The following OR5M1 variants were observed in gnomAD, a reference collection of about 807,000 sequenced individuals.
OR5M1 encodes olfactory receptor family 5 subfamily M member 1, also known as olfactory receptor 5M1.
For missense variants in OR5M1, 367 were observed against 379.5 expected (o/e 0.97, Z 0.27); for synonymous variants, 165 against 144.2 (o/e 1.14, Z -1.04).
rs933757746 is a variant in OR5M1, at chr11:56,610,944, G to T, written c.*1611C>A. On this transcript the variant is annotated 3_prime_UTR_variant, in exon 2 of 2. Coordinates refer to ENST00000641076, the MANE Select transcript of OR5M1 (RefSeq NM_001004740.2). ...CGTACAGTTATTTAGGCCAAATATA[G>T]AGTATTTTTTGCACTCATTCTAAAA... is the stretch of plus-strand genomic sequence containing the variant. 1.3e-5 allele frequency: 2 copies of T among 152,066 alleles called. No individual in the cohort carries two copies. Among genetic ancestry groups the T allele is most frequent in the Admixed American group, 6.6e-5 (1 of 15,248 alleles). The allele number at this position is 152,066 out of a possible 1,614,324, so 9.4% of individuals were successfully genotyped here. A position where few individuals can be genotyped will look rare whatever the true frequency, so the allele number is the denominator to read the frequency against.
rs765055981 is a variant in OR5M1 at position 56,613,117 on chromosome 11, G to T, written c.386C>A (p.Pro129His). 2 of 1,613,852 alleles carry T rather than the reference G, an allele frequency of 1.2e-6. No individual in the cohort carries two copies. Among genetic ancestry groups the T allele is most frequent in the South Asian group, 2.2e-5 (2 of 91,078 alleles). Residue 129 changes from proline (P) to histidine (H), a missense_variant, in exon 2 of 2, where the codon CCT becomes CAT. Transcript: ENST00000641076. ...ALDRYVAICSPLHYSSRMSKN... is the reference protein window; with the variant it reads ...ALDRYVAICSHLHYSSRMSKN... ...GGACATCCTGGAACTGTAATGCAAA[G>T]GGCTGCAAATGGCTACATAGCGATC...
chr11:56,610,003 A>G lies in OR5M1; in HGVS notation c.*2552T>C, dbSNP rs1379212540. On this transcript the variant is annotated 3_prime_UTR_variant, in exon 2 of 2. Coordinates refer to ENST00000641076, the MANE Select transcript of OR5M1 (RefSeq NM_001004740.2). The stretch of plus-strand genomic sequence containing the variant: ...AAATCAGTGTTCAAATTTGTATATG[A>G]TAAGTGATTTCACATTTGCTTGATG... The G allele has an allele frequency of 6.6e-6, 1 of 152,056 alleles. No homozygotes were observed. The highest frequency in any genetic ancestry group is 1.5e-5 in the Non-Finnish European group (1 of 67,922). The allele number at this position is 152,056 out of a possible 1,614,324, so 9.4% of individuals were successfully genotyped here. A position where few individuals can be genotyped will look rare whatever the true frequency, so the allele number is the denominator to read the frequency against.
At position 56,614,234 on chromosome 11, in the gene OR5M1, GGAGCACACATTATAATAGAGGGAGCA is replaced by G. The variant is rs1452700927; in HGVS notation, c.-18+597_-18+622del. On this transcript the variant is annotated intron_variant, in intron 1 of 1. Coordinates refer to ENST00000641076, the MANE Select transcript of OR5M1 (RefSeq NM_001004740.2). The stretch of plus-strand genomic sequence containing the variant: ...ACAGTAAACAAGTCTCCCAGCTCAG[GGAGCACACATTATAATAGAGGGAGCA>G]GAGCACACATTATAATAGAGGGAAC... Among the ~76,000 whole-genome samples, 8 of 152,126 alleles carry G rather than the reference GGAGCACACATTATAATAGAGGGAGCA, an allele frequency of 5.3e-5. No homozygotes were observed. In the East Asian group the frequency reaches 9.7e-4, roughly 18 times the overall value.
In OR5M1 at chr11:56,613,461, G is replaced by A. The variant is rs935761639; in HGVS notation, c.42C>T (p.Leu14=). ...GCACTGGGTCGTCTGTCAGTCCCAA[G>A]AGAATGAATTCTGTCACTATGGTGT... is the stretch of plus-strand genomic sequence containing the variant. ...PNHTIVTEFI[L]LGLTDDPVLE... The change falls in exon 2 of 2, where the codon CTC becomes CTT. Residue 14 remains leucine, a synonymous_variant. Transcript: ENST00000641076. 3.1e-6 allele frequency: 5 copies of A among 1,613,512 alleles called. No individual in the cohort carries two copies. The highest frequency in any genetic ancestry group is 1.7e-5 in the Admixed American group (1 of 59,972).
At position 56,610,907 on chromosome 11, in the gene OR5M1, A is replaced by C. The variant is rs1853667889; in HGVS notation, c.*1648T>G. The C allele has an allele frequency of 6.6e-6, 1 of 152,178 alleles. No individual in the cohort carries two copies. Among genetic ancestry groups the C allele is most frequent in the Non-Finnish European group, 1.5e-5 (1 of 68,016 alleles). 9.4% of individuals were successfully genotyped at this position (152,178 alleles called of 1,614,324 possible). A position where few individuals can be genotyped will look rare whatever the true frequency, so the allele number is the denominator to read the frequency against. On this transcript the variant is annotated 3_prime_UTR_variant, in exon 2 of 2. Coordinates refer to ENST00000641076, the MANE Select transcript of OR5M1 (RefSeq NM_001004740.2). ...GCCAGAGCAATTCTCATAACTAGAA[A>C]ATAAATGGAATCGTACAGTTATTTA...
At position 56,609,466 on chromosome 11, in the gene OR5M1, C is replaced by A. The variant is rs1853649015; in HGVS notation, c.*3089G>T. On this transcript the variant is annotated 3_prime_UTR_variant, in exon 2 of 2. Transcript: ENST00000641076. ...GACTTCCCTTGAGACATCAAAGAAG[C>A]AAATAACCATAAACAAGAGCTCCTA... is the stretch of plus-strand genomic sequence containing the variant. The A allele has an allele frequency of 6.6e-6, 1 of 151,892 alleles. No individual in the cohort carries two copies. Among genetic ancestry groups the A allele is most frequent in the Non-Finnish European group, 1.5e-5 (1 of 67,844 alleles). The allele number at this position is 151,892 out of a possible 1,614,324, so 9.4% of individuals were successfully genotyped here.
chr11:56,613,640 A>T, intron 1 of OR5M1, 121 bp from the exon 2 acceptor site: 1 of 781,622 alleles, frequency 1.3e-6, no homozygotes, highest in East Asian at 2.7e-5. Context: ...TTGTTTCAAT[A>T]ATCACATCGG....
At position 56,612,014 on chromosome 11, in the gene OR5M1, A is replaced by G. The variant is rs561567519; in HGVS notation, c.*541T>C. Reference sequence around the variant, plus strand: ...AGAAGCTTCTCAAGATATTTACAAGATGGGTTTGGGGAACACTTACAGCAA... The same window carrying G: ...AGAAGCTTCTCAAGATATTTACAAGGTGGGTTTGGGGAACACTTACAGCAA... On this transcript the variant is annotated 3_prime_UTR_variant, in exon 2 of 2. Coordinates refer to ENST00000641076, the MANE Select transcript of OR5M1 (RefSeq NM_001004740.2). 7.9e-5 allele frequency: 12 copies of G among 152,312 alleles called. No homozygotes were observed. The East Asian group carries it at 2.3e-3, about 29-fold the overall frequency. 9.4% of individuals were successfully genotyped at this position (152,312 alleles called of 1,614,324 possible).
intron 1 of OR5M1, among the ~76,000 whole-genome samples, chr11:56,614,356 T>G (rs552639913): frequency 6.6e-6 from 1 of 152,284 alleles, no homozygotes; most frequent in Admixed American, 6.5e-5. Flanking sequence ...AAAACATGAA[T>G]GTAGGATGCT....
rs1853660773 is a variant in OR5M1 at position 56,610,340 on chromosome 11, G to A, written c.*2215C>T. The A allele has an allele frequency of 6.6e-6, 1 of 151,932 alleles. No individual in the cohort carries two copies. The highest frequency in any genetic ancestry group is 2.1e-4 in the South Asian group (1 of 4,820). The allele number at this position is 151,932 out of a possible 1,614,324, so 9.4% of individuals were successfully genotyped here. On this transcript the variant is annotated 3_prime_UTR_variant, in exon 2 of 2. Transcript: ENST00000641076. ...GAATTTTCAAGGGAAATTCTCATTA[G>A]CTATTCTTAGGATACATATAACTAT... is the stretch of plus-strand genomic sequence containing the variant.
At position 56,609,364 on chromosome 11, in the gene OR5M1, C is replaced by T. The variant is rs1473934266; in HGVS notation, c.*3191G>A. Reference sequence around the variant, plus strand: ...AATAGCATGAAGAGAAATTATCAACCTTATGTGTAGCCTTCATTTGTTCAA... The same window carrying T: ...AATAGCATGAAGAGAAATTATCAACTTTATGTGTAGCCTTCATTTGTTCAA... On this transcript the variant is annotated 3_prime_UTR_variant, in exon 2 of 2. Transcript: ENST00000641076. 1 of 151,844 alleles carries T rather than the reference C, an allele frequency of 6.6e-6. No homozygotes were observed. The highest frequency in any genetic ancestry group is 1.5e-5 in the Non-Finnish European group (1 of 67,820). The allele number at this position is 151,844 out of a possible 1,614,324, so 9.4% of individuals were successfully genotyped here.
Position 56,611,081 on chromosome 11 carries a change from C to G in OR5M1, c.*1474G>C, listed in dbSNP as rs1166746827. The G allele has an allele frequency of 6.6e-6, 1 of 151,972 alleles. No individual in the cohort carries two copies. The highest frequency in any genetic ancestry group is 2.4e-5 in the African/African-American group (1 of 41,396). The allele number at this position is 151,972 out of a possible 1,614,324, so 9.4% of individuals were successfully genotyped here. ...AAATTTCTCATAAAATAAAGAAATA[C>G]CCCACCGATGAAATGATGCTGGCCC... On this transcript the variant is annotated 3_prime_UTR_variant, in exon 2 of 2. Transcript: ENST00000641076.
rs990927097 is a variant in OR5M1 at position 56,609,390 on chromosome 11, T to C, written c.*3165A>G. 13 of 152,014 alleles carry C rather than the reference T, an allele frequency of 8.6e-5. No homozygotes were observed. The highest frequency in any genetic ancestry group is 3.1e-4 in the African/African-American group (13 of 41,452). The allele number at this position is 152,014 out of a possible 1,614,324, so 9.4% of individuals were successfully genotyped here. ...TTATGTGTAGCCTTCATTTGTTCAATATATGCTTCAATTTTTATTCTGTGC... is the reference window on the plus strand; with the variant it reads ...TTATGTGTAGCCTTCATTTGTTCAACATATGCTTCAATTTTTATTCTGTGC... On this transcript the variant is annotated 3_prime_UTR_variant, in exon 2 of 2. Transcript: ENST00000641076.
At position 56,612,710 on chromosome 11, in the gene OR5M1, C is replaced by G. The variant is rs1442907527; in HGVS notation, c.793G>C (p.Glu265Gln). 1 of 1,613,724 alleles carries G rather than the reference C, an allele frequency of 6.2e-7. No homozygotes were observed. The highest frequency in any genetic ancestry group is 8.5e-7 in the Non-Finnish European group (1 of 1,179,804). The change falls in exon 2 of 2, where the codon GAG becomes CAG. Residue 265 changes from glutamate (E) to glutamine (Q), a missense_variant. By Grantham distance (29) the Glu-to-Gln change is conservative. Coordinates refer to ENST00000641076, the MANE Select transcript of OR5M1 (RefSeq NM_001004740.2). The stretch of plus-strand genomic sequence containing the variant: ...ATTTTGGACTCCTCTACAGACTTCT[C>G]TGATGGAGGCCTTACGTACATGCAG... ...LFCMYVRPPS[E>Q]KSVEESKITA...
Position 56,612,233 on chromosome 11 carries a change from T to C in OR5M1, c.*322A>G. The C allele has an allele frequency of 5.7e-6, 1 of 176,332 alleles. No individual in the cohort carries two copies. Among genetic ancestry groups the C allele is most frequent in the Non-Finnish European group, 1.2e-5 (1 of 83,716 alleles). 10.9% of individuals were successfully genotyped at this position (176,332 alleles called of 1,614,324 possible). On this transcript the variant is annotated 3_prime_UTR_variant, in exon 2 of 2. Transcript: ENST00000641076. ...GACCATCATATTCAAAGGAGATGAATTTTCAGAATTTCTCTCAGCCTAAGT... is the reference window on the plus strand; with the variant it reads ...GACCATCATATTCAAAGGAGATGAACTTTCAGAATTTCTCTCAGCCTAAGT...
At position 56,611,546 on chromosome 11, in the gene OR5M1, A is replaced by G. The variant is rs1053206723; in HGVS notation, c.*1009T>C. On this transcript the variant is annotated 3_prime_UTR_variant, in exon 2 of 2. Transcript: ENST00000641076. Reference sequence around the variant, plus strand: ...GAGGCAATTTATTAGGGCTAAATACATATGTATCAATATGCAGTCATCTGG... The same window carrying G: ...GAGGCAATTTATTAGGGCTAAATACGTATGTATCAATATGCAGTCATCTGG... 1 of 152,062 alleles carries G rather than the reference A, an allele frequency of 6.6e-6. No individual in the cohort carries two copies. The highest frequency in any genetic ancestry group is 1.5e-5 in the Non-Finnish European group (1 of 68,012). The allele number at this position is 152,062 out of a possible 1,614,324, so 9.4% of individuals were successfully genotyped here.
At chr11:56,614,135 T>C (rs183857443) in intron 1 of OR5M1, among the ~76,000 whole-genome samples, 1 of 152,310 alleles carries the variant, frequency 6.6e-6, no homozygotes, top group Admixed American at 6.5e-5. Context: ...TTTTCCACTT[T>C]GTAATGTCAC....
rs1310108324 is a variant in OR5M1, at chr11:56,611,997, C to T, written c.*558G>A. 1 of 152,100 alleles carries T rather than the reference C, an allele frequency of 6.6e-6. No individual in the cohort carries two copies. Among genetic ancestry groups the T allele is most frequent in the African/African-American group, 2.4e-5 (1 of 41,422 alleles). 9.4% of individuals were successfully genotyped at this position (152,100 alleles called of 1,614,324 possible). A position where few individuals can be genotyped will look rare whatever the true frequency, so the allele number is the denominator to read the frequency against. On this transcript the variant is annotated 3_prime_UTR_variant, in exon 2 of 2. Coordinates refer to ENST00000641076, the MANE Select transcript of OR5M1 (RefSeq NM_001004740.2). ...TATCATATGAACAAAAAAGAAGCTTCTCAAGATATTTACAAGATGGGTTTG... is the reference window on the plus strand; with the variant it reads ...TATCATATGAACAAAAAAGAAGCTTTTCAAGATATTTACAAGATGGGTTTG...
intron 1 of OR5M1, among the ~76,000 whole-genome samples, chr11:56,613,983 T>C (rs989273453): frequency 1.3e-5 from 2 of 152,168 alleles, no homozygotes; most frequent in African/African-American, 4.8e-5. Context: ...TTGTTTCAGA[T>C]ACAAAATGAA....
Sources: allele counts gnomAD v4.1 joint callset (sites outside exome capture counted in the v4.1 genomes callset), GRCh38; gene constraint gnomAD v4.1.1; transcripts MANE v1.5; gene names NCBI Gene and HGNC (gene_info 2026-07-23, HGNC 2026-07-21).